CX3CL1: variants seen among roughly 807,000 people sequenced by gnomAD.
The protein encoded by CX3CL1 is fractalkine.
Under a neutral mutation model 14.1 loss-of-function variants are expected in CX3CL1, and 1 was observed. The observed-to-expected ratio is 0.07, with a 90% CI of 0.03 to 0.34. The LOEUF is 0.34. Among genes scored for constraint, CX3CL1 ranks in the 10% least tolerant of loss-of-function variants. CX3CL1 has a pLI of 0.99. For missense variants in CX3CL1, 505 were observed against 536.4 expected, an observed-to-expected ratio of 0.94 and a Z score of 0.58; for synonymous variants, 255 against 229.6, an observed-to-expected ratio of 1.11 and a Z score of -1.00.
intron 1 of CX3CL1, 89 bp from the exon 2 acceptor site, chr16:57,379,545 G>C: frequency 2.6e-6 from 4 of 1,549,044 alleles, no homozygotes; most frequent in Non-Finnish European, 3.5e-6. Flanking sequence ...GTTTTGGCTT[G>C]GGTGGTGTGG....
rs555567645 is a variant in CX3CL1, at chr16:57,384,996, C to T, written c.*1964C>T. 9 of 152,260 alleles carry T rather than the reference C, an allele frequency of 5.9e-5. No homozygotes were observed. Among genetic ancestry groups the T allele is most frequent in the South Asian group, 4.1e-4 (2 of 4,826 alleles). 9.4% of individuals were successfully genotyped at this position (152,260 alleles called of 1,614,324 possible). A position where few individuals can be genotyped will look rare whatever the true frequency, so the allele number is the denominator to read the frequency against. On this transcript the variant is annotated 3_prime_UTR_variant, in exon 3 of 3. Transcript: ENST00000006053. ...AGACTTTTCCAACCCTCATCACCAA[C>T]GTCTGTGCCATTTTGTATTTTACTA...
intron 1 of CX3CL1, among the ~76,000 whole-genome samples, chr16:57,372,994 C>A (rs566243140): frequency 2.4e-4 from 36 of 152,266 alleles, no homozygotes; most frequent in African/African-American, 8.4e-4. Flanking sequence ...GGGTGGGAGG[C>A]CCTGGCTGAC....
At position 57,383,236 on chromosome 16, in the gene CX3CL1, G is replaced by A; in HGVS notation, c.*204G>A. On this transcript the variant is annotated 3_prime_UTR_variant, in exon 3 of 3. Transcript: ENST00000006053. ...ATTCTCCACCTGCCAGGGACAGAGG[G>A]GGTGGCCTCCCAACTCACCCCAGCC... is the stretch of plus-strand genomic sequence containing the variant. The A allele has an allele frequency of 2.3e-6, 1 of 431,966 alleles. No individual in the cohort carries two copies. 26.8% of individuals were successfully genotyped at this position (431,966 alleles called of 1,614,324 possible). A position where few individuals can be genotyped will look rare whatever the true frequency, so the allele number is the denominator to read the frequency against.
chr16:57,372,962 C>T (rs57547671), intron 1 of CX3CL1, among the ~76,000 whole-genome samples: 2,412 of 152,202 alleles, frequency 0.016, 75 homozygotes, highest in African/African-American at 0.055. Context: ...AGAGAGCCTG[C>T]AGAAGCTCCT....
At chr16:57,374,928 G>A (rs928486096) in intron 1 of CX3CL1, among the ~76,000 whole-genome samples, 3 of 152,134 alleles carry the variant, frequency 2.0e-5, no homozygotes, top group African/African-American at 4.8e-5. Flanking sequence ...ATCACCTGAC[G>A]TCAGGAGTTC....
At position 57,376,704 on chromosome 16, in the gene CX3CL1, C is replaced by T. The variant is rs578031436; in HGVS notation, c.71-2930C>T. Among the ~76,000 whole-genome samples the T allele has an allele frequency of 5.3e-5, 8 of 150,934 alleles. No homozygotes were observed. In the South Asian group the frequency reaches 1.1e-3, roughly 20 times the overall value. ...GGTTGGGCAGGAGGTGGCAGGTGGG[C>T]GAGGAATGGGTAGAAGATTGATAAG... On this transcript the variant is annotated intron_variant, in intron 1 of 2. Transcript: ENST00000006053.
chr16:57,382,021 C>T lies in CX3CL1; in HGVS notation c.192-9C>T. ...GGCATAACCGAATCCCTGTCTTCCTCCCTTGTAGCTTGGAGACGAGACAGC... is the reference window on the plus strand; with the variant it reads ...GGCATAACCGAATCCCTGTCTTCCTTCCTTGTAGCTTGGAGACGAGACAGC... On this transcript the variant is annotated splice_polypyrimidine_tract_variant and intron_variant, in intron 2 of 2. Transcript: ENST00000006053. The surrounding 1 kb of genome is among the most constrained non-coding windows in gnomAD (Gnocchi z 6.9). The T allele has an allele frequency of 6.4e-7, 1 of 1,566,784 alleles. No homozygotes were observed. Among genetic ancestry groups the T allele is most frequent in the Non-Finnish European group, 8.7e-7 (1 of 1,151,214 alleles).
intron 1 of CX3CL1, chr16:57,377,850 T>C (rs1902265642): frequency 6.6e-6 from 1 of 152,226 alleles, no homozygotes; most frequent in South Asian, 2.1e-4. Flanking sequence ...CCTTGTTTTT[T>C]ATACTCATCC....
chr16:57,383,444 T>G lies in CX3CL1; in HGVS notation c.*412T>G, dbSNP rs1484589870. On this transcript the variant is annotated 3_prime_UTR_variant, in exon 3 of 3. Coordinates refer to ENST00000006053, the MANE Select transcript of CX3CL1 (RefSeq NM_002996.6). ...CCTCTGCCCACTCCCTGCAACCTGA[T>G]TGTGTCTCTTGGTCCTGCTGCAGTT... is the stretch of plus-strand genomic sequence containing the variant. 6.2e-6 allele frequency: 1 copy of G among 161,614 alleles called. No individual in the cohort carries two copies. The highest frequency in any genetic ancestry group is 2.4e-5 in the African/African-American group (1 of 41,766). The allele number at this position is 161,614 out of a possible 1,614,324, so 10.0% of individuals were successfully genotyped here.
At chr16:57,381,794 G>T (rs920086074) in intron 2 of CX3CL1, among the ~76,000 whole-genome samples, 1 of 152,024 alleles carries the variant, frequency 6.6e-6, no homozygotes, top group African/African-American at 2.4e-5. Flanking sequence ...TTCTGGGATG[G>T]CTGGTCACCC....
Position 57,382,983 on chromosome 16 carries a change from A to T in CX3CL1, c.1145A>T (p.Tyr382Phe), listed in dbSNP as rs1241989179. 6.0e-6 allele frequency: 9 copies of T among 1,504,866 alleles called. No individual in the cohort carries two copies. Among genetic ancestry groups the T allele is most frequent in the Non-Finnish European group, 8.0e-6 (9 of 1,124,674 alleles). The allele number at this position is 1,504,866 out of a possible 1,614,324, so 93.2% of individuals were successfully genotyped here. The change falls in exon 3 of 3, where the codon TAC becomes TTC. Residue 382 changes from tyrosine to phenylalanine, a missense_variant. Tyr to Phe is a conservative substitution (Grantham distance 22). Coordinates refer to ENST00000006053, the MANE Select transcript of CX3CL1 (RefSeq NM_002996.6). The surrounding 1 kb of genome is among the most constrained non-coding windows in gnomAD (Gnocchi z 6.9). ...MAGEMAEGLR[Y>F]IPRSCGSNSY... ...GGAGAGATGGCGGAGGGCCTTCGCT[A>T]CATCCCCCGGAGCTGTGGTAGTAAT...
rs41342744 is a variant in CX3CL1 at position 57,383,294 on chromosome 16, G to C, written c.*262G>C. 24 of 362,994 alleles carry C rather than the reference G, an allele frequency of 6.6e-5. No homozygotes were observed. Among genetic ancestry groups the C allele is most frequent in the South Asian group, 5.8e-4 (4 of 6,838 alleles). 22.5% of individuals were successfully genotyped at this position (362,994 alleles called of 1,614,324 possible). ...TCTCCTCTGCTGCTGGCTGGTTAGA[G>C]GTTCCCTTTGACGCCATCCCAGCCC... is the stretch of plus-strand genomic sequence containing the variant. On this transcript the variant is annotated 3_prime_UTR_variant, in exon 3 of 3. Transcript: ENST00000006053.
chr16:57,372,841 C>T (rs1337380324), intron 1 of CX3CL1, among the ~76,000 whole-genome samples: 1 of 152,186 alleles, frequency 6.6e-6, no homozygotes, highest in Non-Finnish European at 1.5e-5. Context: ...CAGTTGCCAG[C>T]GACCGCCCTG....
At position 57,384,942 on chromosome 16, in the gene CX3CL1, A is replaced by G. The variant is rs1370451486; in HGVS notation, c.*1910A>G. ...ACATGGACAAGGATGATCTAGGAAG[A>G]CTTTGGAAAGAGTAGGAAGACTTTG... On this transcript the variant is annotated 3_prime_UTR_variant, in exon 3 of 3. Transcript: ENST00000006053. The G allele has an allele frequency of 6.6e-6, 1 of 152,228 alleles. No individual in the cohort carries two copies. Among genetic ancestry groups the G allele is most frequent in the Admixed American group, 6.5e-5 (1 of 15,292 alleles). 9.4% of individuals were successfully genotyped at this position (152,228 alleles called of 1,614,324 possible).
intron 1 of CX3CL1, among the ~76,000 whole-genome samples, chr16:57,376,382 C>G (rs543436321): frequency 6.1e-4 from 93 of 152,102 alleles, no homozygotes; most frequent in Non-Finnish European, 1.0e-3. Context: ...GATAAGAGGG[C>G]CTGAGATTTT....
At chr16:57,379,564 A>G (rs1269957763) in intron 1 of CX3CL1, 70 bp from the exon 2 acceptor site, 1 of 1,603,966 alleles carries the variant, frequency 6.2e-7, no homozygotes, top group South Asian at 1.1e-5. Context: ...GGCCGGGACA[A>G]TCTGGCACGG....
rs772427275 is a variant in CX3CL1 at position 57,382,870 on chromosome 16, G to A, written c.1032G>A (p.Gly344=). ...CTGCCACCCGGAGGCAGGCGGTGGG[G>A]CTGCTGGCCTTCCTTGGCCTCCTCT... ...AQAATRRQAV[G]LLAFLGLLFC... Residue 344 remains glycine (G), a synonymous_variant, in exon 3 of 3, where the codon GGG becomes GGA. Coordinates refer to ENST00000006053, the MANE Select transcript of CX3CL1 (RefSeq NM_002996.6). This position sits in a 1 kb window ranked among gnomAD's most constrained non-coding sequence, Gnocchi z 6.9. 15 of 1,561,108 alleles carry A rather than the reference G, an allele frequency of 9.6e-6. No individual in the cohort carries two copies. The Admixed American group carries it at 1.6e-4, about 17-fold the overall frequency.
In CX3CL1 at chr16:57,379,728, G is replaced by C. The variant is rs1195866678; in HGVS notation, c.165G>C (p.Gln55His). 6.2e-7 allele frequency: 1 copy of C among 1,614,238 alleles called. No individual in the cohort carries two copies. The highest frequency in any genetic ancestry group is 1.7e-5 in the Admixed American group (1 of 60,034). ...TGCTCATCCACTATCAACAGAACCAGGCATCATGCGGCAAACGCGCAATCA... is the reference window on the plus strand; with the variant it reads ...TGCTCATCCACTATCAACAGAACCACGCATCATGCGGCAAACGCGCAATCA... The part of the protein sequence containing the change: ...VALLIHYQQN[Q>H]ASCGKRAIIL... The change falls in exon 2 of 3, where the codon CAG becomes CAC. Residue 55 changes from glutamine to histidine, a missense_variant. Coordinates refer to ENST00000006053, the MANE Select transcript of CX3CL1 (RefSeq NM_002996.6).
rs1902333421 is a variant in CX3CL1 at position 57,382,256 on chromosome 16, C to T, written c.418C>T (p.Pro140Ser). ...CACAGGCGAAAGCAGTAGCCTGGAG[C>T]CGACTCCTTCTTCCCAGGAAGCACA... The part of the protein sequence containing the change: ...EATGESSSLE[P>S]TPSSQEAQRA... Residue 140 changes from proline (P) to serine (S), a missense_variant, in exon 3 of 3, where the codon CCG becomes TCG. Physicochemically the swap from Pro to Ser is moderately conservative, Grantham distance 74. Transcript: ENST00000006053. The surrounding 1 kb of genome is among the most constrained non-coding windows in gnomAD (Gnocchi z 6.9). 1 of 1,609,588 alleles carries T rather than the reference C, an allele frequency of 6.2e-7. No homozygotes were observed. Among genetic ancestry groups the T allele is most frequent in the African/African-American group, 1.3e-5 (1 of 74,828 alleles).
Sources: gnomAD v4.1 joint callset for allele counts (sites outside exome capture counted in the v4.1 genomes callset) on GRCh38, gnomAD v4.1.1 for gene constraint, Gnocchi (gnomAD v3.1) non-coding constraint, MANE v1.5 for transcripts, NCBI Gene and HGNC (gene_info 2026-07-23, HGNC 2026-07-21) for gene names.